MYO3A: variants seen among roughly 807,000 people sequenced by gnomAD.
MYO3A encodes the protein myosin IIIA.
In MYO3A, 180 loss-of-function variants were observed where a neutral mutation model predicts 192.7. The observed-to-expected ratio is 0.93, with a 90% CI of 0.83 to 1.06. The LOEUF is 1.06. Among genes scored for constraint, MYO3A ranks in the 50% least tolerant of loss-of-function variants. The probability of loss-of-function intolerance (pLI) is 0.00; values close to 1 mark genes in which losing one functional copy is unlikely to be tolerated. For synonymous variants in MYO3A, 628 were observed against 645.3 expected, an observed-to-expected ratio of 0.97 and a Z score of 0.41; for missense variants, 1,896 against 1,905.0, an observed-to-expected ratio of 1.00 and a Z score of 0.09.
intron 4 of MYO3A, among the ~76,000 whole-genome samples, chr10:25,980,321 A>G (rs951240697): frequency 6.6e-6 from 1 of 152,018 alleles, no homozygotes; most frequent in Non-Finnish European, 1.5e-5. Flanking sequence ...TAAGAACAAC[A>G]AAAAACCCTC....
intron 10 of MYO3A, among the ~76,000 whole-genome samples, chr10:26,065,616 A>G (rs1834787918): frequency 6.7e-6 from 1 of 148,218 alleles, no homozygotes; most frequent in Non-Finnish European, 1.5e-5. Context: ...AAAAAAAAGT[A>G]TACATAATTC....
At chr10:26,185,890 A>G (rs183195747) in intron 31 of MYO3A, among the ~76,000 whole-genome samples, 4 of 151,980 alleles carry the variant, frequency 2.6e-5, no homozygotes, top group African/African-American at 9.7e-5. Flanking sequence ...CACTTAAGCA[A>G]CTTGCTTTTC....
chr10:26,158,388 G>A (rs1841278600), intron 26 of MYO3A, among the ~76,000 whole-genome samples: 1 of 151,960 alleles, frequency 6.6e-6, no homozygotes, highest in African/African-American at 2.4e-5. Context: ...GACTAGCTGG[G>A]AGTACAGGTG....
chr10:26,185,329 CTTTTTTTTTTTTTT>C (rs61581382), intron 31 of MYO3A, among the ~76,000 whole-genome samples: 8 of 63,858 alleles, frequency 1.3e-4, no homozygotes, highest in Non-Finnish European at 2.4e-4. Flanking sequence ...TTCCAGGATT[CTTTTTTTTTTTTTT>C]TTTTTTTTTT....
chr10:26,196,711 A>G (rs1248722678), intron 32 of MYO3A, among the ~76,000 whole-genome samples: 1 of 152,218 alleles, frequency 6.6e-6, no homozygotes. Context: ...TTTCTAAAAT[A>G]TATTATACTG....
intron 14 of MYO3A, among the ~76,000 whole-genome samples, chr10:26,072,051 A>G (rs1419893921): frequency 6.9e-6 from 1 of 145,724 alleles, no homozygotes; most frequent in Non-Finnish European, 1.5e-5. Context: ...CCCTCTTCAC[A>G]TGGCAGCAGG....
intron 6 of MYO3A, among the ~76,000 whole-genome samples, chr10:26,008,926 C>T (rs568065413): frequency 5.1e-4 from 77 of 151,726 alleles, no homozygotes; most frequent in African/African-American, 1.8e-3. Flanking sequence ...GACACATGCA[C>T]ACGTATGTTT....
At chr10:26,043,245 C>A (rs890715140) in intron 10 of MYO3A, among the ~76,000 whole-genome samples, 1 of 151,748 alleles carries the variant, frequency 6.6e-6, no homozygotes, top group Non-Finnish European at 1.5e-5. Context: ...ACTGGGACTG[C>A]ACTGAGTCAG....
intron 14 of MYO3A, among the ~76,000 whole-genome samples, chr10:26,084,606 C>T (rs879374805): frequency 2.6e-5 from 4 of 152,144 alleles, no homozygotes; most frequent in Non-Finnish European, 5.9e-5. Flanking sequence ...TGGGCTCAAG[C>T]GACCCTTCTG....
chr10:26,179,950 C>T lies in MYO3A; in HGVS notation c.4438+3105C>T, dbSNP rs148309405. ...CTGGGTTCAAGTGATTCTCATGCCT[C>T]AGCCTCCCGAGTAGCTGGGACTACA... On this transcript the variant is annotated intron_variant, in intron 31 of 34. Transcript: ENST00000642920. Among the ~76,000 whole-genome samples the T allele has an allele frequency of 4.6e-3, 708 of 152,316 alleles. 8 individuals are homozygous for T. Among genetic ancestry groups the T allele is most frequent in the African/African-American group, 0.016 (650 of 41,564 alleles).
intron 17 of MYO3A, among the ~76,000 whole-genome samples, chr10:26,103,227 G>T (rs1837582728): frequency 6.6e-6 from 1 of 152,224 alleles, no homozygotes; most frequent in Non-Finnish European, 1.5e-5. Flanking sequence ...CGTTTGCTAA[G>T]ACCATTGGAA....
intron 10 of MYO3A, among the ~76,000 whole-genome samples, chr10:26,048,270 G>T (rs990557868): frequency 2.0e-5 from 3 of 151,312 alleles, no homozygotes; most frequent in Non-Finnish European, 2.9e-5. Flanking sequence ...CTGAAAAAAA[G>T]TATTATATTT....
rs1252165752 is a variant in MYO3A, at chr10:26,192,598, C to T, written c.4439-607C>T. 1.5e-4 allele frequency among the ~76,000 whole-genome samples: 23 copies of T among 151,882 alleles called. 1 individual carries two copies. The highest frequency in any genetic ancestry group is 1.5e-3 in the Admixed American group (23 of 15,246). On this transcript the variant is annotated intron_variant, in intron 31 of 34. Coordinates refer to ENST00000642920, the MANE Select transcript of MYO3A (RefSeq NM_017433.5). ...CTCTATTCAATTCCACGTGACCAAA[C>T]TATGCATTCTTTCTCGTTCTTTCCT...
intron 31 of MYO3A, among the ~76,000 whole-genome samples, chr10:26,185,075 C>T (rs1842797815): frequency 6.6e-6 from 1 of 152,106 alleles, no homozygotes; most frequent in African/African-American, 2.4e-5. Context: ...GCAATACATT[C>T]ATCATAATTT....
intron 3 of MYO3A, among the ~76,000 whole-genome samples, chr10:25,953,380 A>G (rs112684315): frequency 0.023 from 3,553 of 152,144 alleles, 65 homozygotes; most frequent in Non-Finnish European, 0.038. Flanking sequence ...GGTTTATTTT[A>G]AAGCAATAAA....
Position 26,016,839 on chromosome 10 carries a change from CAG to C in MYO3A, c.529_530del (p.Ser177TyrfsTer18). On this transcript the variant is annotated frameshift_variant, in exon 7 of 35. Coordinates refer to ENST00000642920, the MANE Select transcript of MYO3A (RefSeq NM_017433.5). LOFTEE classifies it high-confidence loss of function. ...CTCTAGGTGTGTCTGCACAGCTCAC[CAG>C]TACCCGGCACCGTCGGAACACATCC... ...VDFGVSAQLT[S>X]TRHRRNTSVG... 1 of 1,614,134 alleles carries C rather than the reference CAG, an allele frequency of 6.2e-7. No individual in the cohort carries two copies. The highest frequency in any genetic ancestry group is 1.1e-5 in the South Asian group (1 of 91,064).
chr10:26,060,184 G>A (rs989036513), intron 10 of MYO3A, among the ~76,000 whole-genome samples: 19 of 152,000 alleles, frequency 1.3e-4, no homozygotes, highest in Non-Finnish European at 2.2e-4. Context: ...ACTTGAACCC[G>A]GGAGGCAGAG....
At chr10:26,111,681 A>C (rs911375000) in intron 17 of MYO3A, among the ~76,000 whole-genome samples, 1 of 152,222 alleles carries the variant, frequency 6.6e-6, no homozygotes, top group Non-Finnish European at 1.5e-5. Context: ...TCAGTCAATA[A>C]AGAAAAAAGC....
chr10:26,195,278 C>T (rs899624984), intron 32 of MYO3A, among the ~76,000 whole-genome samples: 1 of 152,118 alleles, frequency 6.6e-6, no homozygotes, highest in African/African-American at 2.4e-5. Flanking sequence ...CTTCCATATT[C>T]AAAAATCTAA....
Sources: gnomAD v4.1 joint callset for allele counts (sites outside exome capture counted in the v4.1 genomes callset) on GRCh38, gnomAD v4.1.1 for gene constraint, MANE v1.5 for transcripts, NCBI Gene and HGNC (gene_info 2026-07-23, HGNC 2026-07-21) for gene names.